PRX: variants seen among roughly 807,000 people sequenced by gnomAD.
PRX encodes periaxin.
In PRX, 24 loss-of-function variants were observed where a neutral mutation model predicts 29.6. That is an observed-to-expected ratio of 0.81 (90% CI 0.59 to 1.14). PRX has a LOEUF of 1.14. Among genes scored for constraint, PRX ranks in the 50% most tolerant of loss-of-function variants. PRX has a pLI of 0.00. For synonymous variants in PRX, 772 were observed against 831.7 expected, an observed-to-expected ratio of 0.93 and a Z score of 1.24; for missense variants, 1,838 against 1,926.4, an observed-to-expected ratio of 0.95 and a Z score of 0.86.
In PRX at chr19:40,395,967, C is replaced by T. The variant is rs929097201; in HGVS notation, c.2385G>A (p.Met795Ile). The stretch of plus-strand genomic sequence containing the variant: ...TCTTGGGCATCTTGAAGCCAAATTC[C>T]ATCCCTTCTGCCTGTTCTGCCTTGG... ...KATKAEQAEG[M>I]EFGFKMPKMT... The change falls in exon 7 of 7, where the codon ATG becomes ATA. Residue 795 changes from methionine to isoleucine, a missense_variant. Physicochemically the swap from Met to Ile is conservative, Grantham distance 10 (BLOSUM62 1). Around this residue, in one of 3 missense-constraint regions of PRX, gnomAD observed 1,143 missense variants for 1,193.0 expected, o/e 0.96. Coordinates refer to ENST00000324001, the MANE Select transcript of PRX (RefSeq NM_181882.3). The T allele has an allele frequency of 4.3e-6, 7 of 1,614,114 alleles. No homozygotes were observed. The highest frequency in any genetic ancestry group is 2.7e-5 in the African/African-American group (2 of 75,072).
In PRX at chr19:40,397,046, C is replaced by T. The variant is rs1208051011; in HGVS notation, c.1306G>A (p.Val436Met). 6.2e-7 allele frequency: 1 copy of T among 1,614,094 alleles called. No individual in the cohort carries two copies. The highest frequency in any genetic ancestry group is 8.5e-7 in the Non-Finnish European group (1 of 1,180,038). The change falls in exon 7 of 7, where the codon GTG (valine) becomes ATG (methionine). Residue 436 changes from valine (V) to methionine (M), a missense_variant. Physicochemically the swap from Val to Met is conservative, Grantham distance 21. This residue lies in a region of PRX where 666 missense variants were observed against 665.0 expected (regional missense o/e 1.00). Transcript: ENST00000324001. ...AGCTTCACTTCAGGTCCCTTGGGCACCTTGACCTCGGGCCCTGACACTCCG... is the reference window on the plus strand; with the variant it reads ...AGCTTCACTTCAGGTCCCTTGGGCATCTTGACCTCGGGCCCTGACACTCCG... ...GIGVSGPEVK[V>M]PKGPEVKLPK...
Position 40,394,732 on chromosome 19 carries a change from C to T in PRX, c.3620G>A (p.Gly1207Asp). 2 of 1,613,276 alleles carry T rather than the reference C, an allele frequency of 1.2e-6. No homozygotes were observed. The highest frequency in any genetic ancestry group is 1.7e-6 in the Non-Finnish European group (2 of 1,180,022). ...AQVAGGELLV[G>D]EGVFKMPTVT... ...GGTGGGCATCTTAAAGACACCCTCA[C>T]CCACCAGCAGCTCACCACCTGCAAC... is the stretch of plus-strand genomic sequence containing the variant. The change falls in exon 7 of 7, where the codon GGT (glycine) becomes GAT (aspartate). Residue 1207 changes from glycine to aspartate, a missense_variant. Physicochemically the swap from Gly to Asp is moderately conservative, Grantham distance 94. This residue lies in a region of PRX where 1,143 missense variants were observed against 1,193.0 expected (regional missense o/e 0.96). Coordinates refer to ENST00000324001, the MANE Select transcript of PRX (RefSeq NM_181882.3). This position sits in a 1 kb window ranked among gnomAD's most constrained non-coding sequence, Gnocchi z 5.8.
In PRX at chr19:40,394,098, G is replaced by T. The variant is rs1255676949; in HGVS notation, c.4254C>A (p.Ser1418Arg). Residue 1418 changes from serine to arginine, a missense_variant, in exon 7 of 7, where the codon AGC (serine) becomes AGA (arginine). Transcript: ENST00000324001. This position sits in a 1 kb window ranked among gnomAD's most constrained non-coding sequence, Gnocchi z 5.8. ...CCCCACTCCCACTCCGGGCCTTGGG[G>T]CTTAGGGACACCCTGGGGAAGCGGA... Reference protein sequence around the residue: ...PKFRFPRVSLSPKARSGSGDQ... With the variant: ...PKFRFPRVSLRPKARSGSGDQ... 7 of 1,609,864 alleles carry T rather than the reference G, an allele frequency of 4.3e-6. No homozygotes were observed. The highest frequency in any genetic ancestry group is 5.9e-6 in the Non-Finnish European group (7 of 1,176,994).
Position 40,395,439 on chromosome 19 carries a change from C to T in PRX, c.2913G>A (p.Val971=), listed in dbSNP as rs1599652077. The T allele has an allele frequency of 2.5e-6, 4 of 1,614,132 alleles. No homozygotes were observed. The highest frequency in any genetic ancestry group is 3.4e-6 in the Non-Finnish European group (4 of 1,180,024). ...CCCCTTTGGCCTCAGCCTCAGCCCC[C>T]ACCCGAGCCTTGGGGAGTGAGATGG... is the stretch of plus-strand genomic sequence containing the variant. The part of the protein sequence containing the change: ...KFAISLPKAR[V]GAEAEAKGAG... The change falls in exon 7 of 7, where the codon GTG becomes GTA. Residue 971 remains valine, a synonymous_variant. Coordinates refer to ENST00000324001, the MANE Select transcript of PRX (RefSeq NM_181882.3).
At chr19:40,403,886 C>T (rs772355142) in intron 4 of PRX, 24 bp from the exon 5 acceptor site, 7 of 1,602,032 alleles carry the variant, frequency 4.4e-6, no homozygotes, top group Admixed American at 1.7e-5. Context: ...CGAGGTGTCG[C>T]GTTGGGGCTC....
In PRX at chr19:40,394,603, A is replaced by C. The variant is rs2079412332; in HGVS notation, c.3749T>G (p.Leu1250Arg). The change falls in exon 7 of 7, where the codon CTG (leucine) becomes CGG (arginine). Residue 1250 changes from leucine to arginine, a missense_variant. Around this residue, in one of 3 missense-constraint regions of PRX, gnomAD observed 1,143 missense variants for 1,193.0 expected, o/e 0.96. Transcript: ENST00000324001. The surrounding 1 kb of genome is among the most constrained non-coding windows in gnomAD (Gnocchi z 5.8). ...EGGLRLKLPTLGARARVGGEG... is the reference protein window; with the variant it reads ...EGGLRLKLPTRGARARVGGEG... ...GCCCCCCACCCTAGCTCTGGCCCCCAGTGTGGGCAACTTCAGCCTCAGCCC... is the reference window on the plus strand; with the variant it reads ...GCCCCCCACCCTAGCTCTGGCCCCCCGTGTGGGCAACTTCAGCCTCAGCCC... The C allele has an allele frequency of 1.2e-6, 2 of 1,607,950 alleles. No homozygotes were observed. The highest frequency in any genetic ancestry group is 1.7e-6 in the Non-Finnish European group (2 of 1,179,142).
At chr19:40,408,658 G>A (rs932906945) in intron 1 of PRX, among the ~76,000 whole-genome samples, 1 of 152,164 alleles carries the variant, frequency 6.6e-6, no homozygotes. Flanking sequence ...TTGAGACAGG[G>A]TCTAGCTCTA....
Position 40,394,923 on chromosome 19 carries a change from C to T in PRX, c.3429G>A (p.Leu1143=). The change falls in exon 7 of 7, where the codon CTG becomes CTA. Residue 1143 remains leucine (L), a synonymous_variant. Transcript: ENST00000324001. This position sits in a 1 kb window ranked among gnomAD's most constrained non-coding sequence, Gnocchi z 5.8. ...QVVTEGHDAG[L]RMPPLGISLP... ...GGGAGATGCCCAGCGGAGGCATCCT[C>T]AGCCCCGCGTCATGGCCCTCAGTGA... The T allele has an allele frequency of 4.3e-6, 7 of 1,609,944 alleles. No individual in the cohort carries two copies. The highest frequency in any genetic ancestry group is 5.9e-6 in the Non-Finnish European group (7 of 1,179,830).
rs758500214 is a variant in PRX at position 40,395,098 on chromosome 19, TC to T, written c.3253del (p.Glu1085LysfsTer42). ...EVQGDRASPG[E>X]KAESTAVQLK... is the part of the protein sequence containing the mutation. ...CTGCACAGCGGTGGACTCAGCCTTT[TC>T]CCCCGGGCTGGCACGATCACCTTGA... On this transcript the variant is annotated frameshift_variant, in exon 7 of 7. Transcript: ENST00000324001. LOFTEE classifies it low-confidence loss of function (END_TRUNC). The T allele has an allele frequency of 6.2e-7, 1 of 1,613,606 alleles. No individual in the cohort carries two copies. Among genetic ancestry groups the T allele is most frequent in the Non-Finnish European group, 8.5e-7 (1 of 1,179,968 alleles).
chr19:40,396,341 G>C lies in PRX; in HGVS notation c.2011C>G (p.Pro671Ala). 6.2e-7 allele frequency: 1 copy of C among 1,611,116 alleles called. No homozygotes were observed. Among genetic ancestry groups the C allele is most frequent in the Non-Finnish European group, 8.5e-7 (1 of 1,179,540 alleles). ...CGAACCTCTGGCACAGCCATCTCAG[G>C]CATTTTAGGGAGTTTCATCTCTGGG... ...KVPEMKLPKMPEMAVPEVRLP... is the reference protein window; with the variant it reads ...KVPEMKLPKMAEMAVPEVRLP... The change falls in exon 7 of 7, where the codon CCT becomes GCT. Residue 671 changes from proline (P) to alanine (A), a missense_variant. By Grantham distance (27) the Pro-to-Ala change is conservative. Transcript: ENST00000324001.
At chr19:40,414,424 A>G (rs1383109325), upstream of PRX, among the ~76,000 whole-genome samples, 1 of 152,120 alleles carries the variant, frequency 6.6e-6, no homozygotes, top group Admixed American at 6.5e-5. Flanking sequence ...GCGTCCAGCT[A>G]TGCCCAATTT....
In PRX at chr19:40,394,614, C is replaced by T. The variant is rs749823201; in HGVS notation, c.3738G>A (p.Lys1246=). The T allele has an allele frequency of 6.8e-6, 11 of 1,608,004 alleles. No homozygotes were observed. The highest frequency in any genetic ancestry group is 9.3e-6 in the Non-Finnish European group (11 of 1,179,410). The change falls in exon 7 of 7, where the codon AAG becomes AAA. Residue 1246 remains lysine, a synonymous_variant. Transcript: ENST00000324001. The surrounding 1 kb of genome is among the most constrained non-coding windows in gnomAD (Gnocchi z 5.8). Reference sequence around the variant, plus strand: ...TAGCTCTGGCCCCCAGTGTGGGCAACTTCAGCCTCAGCCCACCCTCGCCTG... The same window carrying T: ...TAGCTCTGGCCCCCAGTGTGGGCAATTTCAGCCTCAGCCCACCCTCGCCTG... ...AATGEGGLRL[K]LPTLGARARV... is the part of the protein sequence containing the mutation.
Position 40,393,827 on chromosome 19 carries a change from A to G in PRX, c.*139T>C. The G allele has an allele frequency of 7.8e-7, 1 of 1,288,874 alleles. No homozygotes were observed. Among genetic ancestry groups the G allele is most frequent in the Non-Finnish European group, 1.1e-6 (1 of 919,282 alleles). 79.8% of individuals were successfully genotyped at this position (1,288,874 alleles called of 1,614,324 possible). A position where few individuals can be genotyped will look rare whatever the true frequency, so the allele number is the denominator to read the frequency against. ...GGGTACAGGCACTCCTGCCAGAGAG[A>G]CAGGAGCAGGCCTCCCTGCCAGCCC... On this transcript the variant is annotated 3_prime_UTR_variant, in exon 7 of 7. Transcript: ENST00000324001.
At chr19:40,407,652 A>T in intron 4 of PRX, 2 of 601,578 alleles carry the variant, frequency 3.3e-6, no homozygotes, top group Non-Finnish European at 3.0e-6. Flanking sequence ...TCAGCTCCTT[A>T]TTAATTTAGC....
Position 40,398,640 on chromosome 19 carries a change from G to T in PRX, c.361C>A (p.Arg121=). ...CGTACCAGCTTGGCCACCTTGGCCC[G>T]CGGGCCCTTGATCTCGTAGCCAGAC... The part of the protein sequence containing the change: ...TVSGYEIKGP[R]AKVAKLNIQS... Residue 121 remains arginine (R), a synonymous_variant, in exon 6 of 7, where the codon CGG becomes AGG. Transcript: ENST00000324001. This position sits in a 1 kb window ranked among gnomAD's most constrained non-coding sequence, Gnocchi z 6.3. 6.2e-7 allele frequency: 1 copy of T among 1,613,706 alleles called. No individual in the cohort carries two copies.
intron 1 of PRX, among the ~76,000 whole-genome samples, chr19:40,412,741 G>GAAAAACA (rs2079564215): frequency 6.6e-6 from 1 of 152,054 alleles, no homozygotes; most frequent in African/African-American, 2.4e-5. Context: ...TTGGAGACAG[G>GAAAAACA]GTCTCCCTCT....
In PRX at chr19:40,408,159, G is replaced by T. The variant is rs1019891781; in HGVS notation, c.-101C>A. ...CCCCCACCCCAGCTGTCCTCTCACC[G>T]CTGCCTGGGTGCAGGCACTTCCTCC... On this transcript the variant is annotated splice_region_variant and 5_prime_UTR_variant, in exon 3 of 7. Transcript: ENST00000324001. 1 of 615,482 alleles carries T rather than the reference G, an allele frequency of 1.6e-6. No homozygotes were observed. Among genetic ancestry groups the T allele is most frequent in the Non-Finnish European group, 2.9e-6 (1 of 345,368 alleles). The allele number at this position is 615,482 out of a possible 1,614,324, so 38.1% of individuals were successfully genotyped here. A position where few individuals can be genotyped will look rare whatever the true frequency, so the allele number is the denominator to read the frequency against.
At chr19:40,414,589 T>C (rs2079572701), upstream of PRX, among the ~76,000 whole-genome samples, 1 of 152,050 alleles carries the variant, frequency 6.6e-6, no homozygotes, top group South Asian at 2.1e-4. Flanking sequence ...AGCAGGTCAT[T>C]GGCAGGGGTC....
Position 40,395,525 on chromosome 19 carries a change from C to A in PRX, c.2827G>T (p.Val943Leu), listed in dbSNP as rs1255146621. Reference sequence around the variant, plus strand: ...GCCCCCTCAGCCTCTGCCTTAGCCACCTTTGGCCCCGAGAGTCCAAACTTA... The same window carrying A: ...GCCCCCTCAGCCTCTGCCTTAGCCAACTTTGGCCCCGAGAGTCCAAACTTA... ...LPKFGLSGPKVAKAEAEGAGR... is the reference protein window; with the variant it reads ...LPKFGLSGPKLAKAEAEGAGR... Residue 943 changes from valine (V) to leucine (L), a missense_variant, in exon 7 of 7, where the codon GTG (valine) becomes TTG (leucine). By Grantham distance (32) the Val-to-Leu change is conservative (BLOSUM62 1). This residue lies in a region of PRX where 1,143 missense variants were observed against 1,193.0 expected (regional missense o/e 0.96). Coordinates refer to ENST00000324001, the MANE Select transcript of PRX (RefSeq NM_181882.3). The A allele has an allele frequency of 1.2e-6, 2 of 1,614,112 alleles. No individual in the cohort carries two copies. The highest frequency in any genetic ancestry group is 2.7e-5 in the African/African-American group (2 of 74,940).
Sources: allele counts gnomAD v4.1 joint callset (sites outside exome capture counted in the v4.1 genomes callset), GRCh38; gene constraint gnomAD v4.1.1; regional missense constraint gnomAD v4.1.1; non-coding constraint Gnocchi (gnomAD v3.1); transcripts MANE v1.5; gene names NCBI Gene and HGNC (gene_info 2026-07-23, HGNC 2026-07-21).